ASAP3: variants seen among roughly 807,000 people sequenced by gnomAD.
ASAP3 encodes the protein ArfGAP with SH3 domain, ankyrin repeat and PH domain 3.
In ASAP3, 85 loss-of-function variants were observed where a neutral mutation model predicts 118.2. The observed-to-expected ratio is 0.72, with a 90% CI of 0.60 to 0.86. The LOEUF is 0.86. Ranked by LOEUF, ASAP3 falls within the 40% of genes least tolerant of loss-of-function variation. ASAP3 has a pLI of 0.00. For missense variants in ASAP3, 1,026 were observed against 1,175.0 expected (o/e 0.87, Z 1.85); for synonymous variants, 432 against 477.4 (o/e 0.90, Z 1.24).
chr1:23,465,493 CT>C (rs1290029163), intron 1 of ASAP3, among the ~76,000 whole-genome samples: 2 of 151,710 alleles, frequency 1.3e-5, no homozygotes, highest in African/African-American at 4.8e-5. Flanking sequence ...AACTTTTTTT[CT>C]TTTTTTTCTT....
intron 5 of ASAP3, 115 bp downstream of exon 5, chr1:23,451,364 A>T: frequency 8.4e-7 from 1 of 1,194,702 alleles, no homozygotes; most frequent in Non-Finnish European, 1.2e-6. Context: ...AAATGCCTCT[A>T]CAGAGCCAGA....
intron 9 of ASAP3, 32 bp downstream of exon 9, chr1:23,441,347 TGGGGGAGG>T (rs1405222187): frequency 3.1e-6 from 5 of 1,609,196 alleles, no homozygotes; most frequent in Non-Finnish European, 3.4e-6. Context: ...CGGTGGGCCT[TGGGGGAGG>T]GCATTCCTTT....
At position 23,428,994 on chromosome 1, in the gene ASAP3, G is replaced by C. The variant is rs1379213176; in HGVS notation, c.*862C>G. On this transcript the variant is annotated 3_prime_UTR_variant, in exon 25 of 25. Coordinates refer to ENST00000336689, the MANE Select transcript of ASAP3 (RefSeq NM_017707.4). ...GCTCCTGAGTTGACCAAGAGAAAGA[G>C]AAGAGAAGTGGGCATCCATCAACCC... 1 of 154,788 alleles carries C rather than the reference G, an allele frequency of 6.5e-6. No individual in the cohort carries two copies. The highest frequency in any genetic ancestry group is 1.5e-5 in the Non-Finnish European group (1 of 68,216). The allele number at this position is 154,788 out of a possible 1,614,324, so 9.6% of individuals were successfully genotyped here.
chr1:23,429,525 C>A lies in ASAP3; in HGVS notation c.*331G>T. Reference sequence around the variant, plus strand: ...CTCCTGCCCTTGTGAAGCCCCCAGACTGACGGGGGAAATAGAGTCTCGATC... The same window carrying A: ...CTCCTGCCCTTGTGAAGCCCCCAGAATGACGGGGGAAATAGAGTCTCGATC... On this transcript the variant is annotated 3_prime_UTR_variant, in exon 25 of 25. Coordinates refer to ENST00000336689, the MANE Select transcript of ASAP3 (RefSeq NM_017707.4). 5.0e-6 allele frequency: 1 copy of A among 198,636 alleles called. No homozygotes were observed. Among genetic ancestry groups the A allele is most frequent in the Non-Finnish European group, 1.0e-5 (1 of 97,476 alleles). 12.3% of individuals were successfully genotyped at this position (198,636 alleles called of 1,614,324 possible).
chr1:23,475,960 C>CA (rs1273473677), intron 1 of ASAP3, among the ~76,000 whole-genome samples: 2 of 151,032 alleles, frequency 1.3e-5, no homozygotes, highest in Admixed American at 1.3e-4. Flanking sequence ...CTCTAAAAAA[C>CA]AAAAAATTAA....
At chr1:23,459,684 G>A (rs557289144) in intron 1 of ASAP3, among the ~76,000 whole-genome samples, 2 of 152,250 alleles carry the variant, frequency 1.3e-5, no homozygotes, top group South Asian at 2.1e-4. Context: ...AGGCAGAAGA[G>A]GAAGAGTGGT....
At chr1:23,469,156 A>T (rs961949890) in intron 1 of ASAP3, among the ~76,000 whole-genome samples, 2 of 151,604 alleles carry the variant, frequency 1.3e-5, no homozygotes, top group Non-Finnish European at 1.5e-5. Flanking sequence ...AATACAAAAC[A>T]ATTTTCCAGG....
intron 1 of ASAP3, among the ~76,000 whole-genome samples, chr1:23,480,425 G>A (rs138767226): frequency 2.5e-4 from 38 of 152,172 alleles, no homozygotes; most frequent in East Asian, 3.9e-4. Context: ...TGTCCTCTCC[G>A]ATAAATGGGG....
intron 5 of ASAP3, among the ~76,000 whole-genome samples, chr1:23,445,951 C>G (rs1641034114): frequency 6.6e-6 from 1 of 151,912 alleles, no homozygotes; most frequent in African/African-American, 2.4e-5. Flanking sequence ...CACTGCACCC[C>G]AGCCTGGGCA....
chr1:23,435,592 T>G, intron 17 of ASAP3: 1 of 553,602 alleles, frequency 1.8e-6, no homozygotes. Context: ...GGTGCTATTA[T>G]TAACCCCTTT....
Position 23,437,114 on chromosome 1 carries a change from G to C in ASAP3, c.1342+16C>G, listed in dbSNP as rs771223043. The C allele has an allele frequency of 1.2e-6, 2 of 1,601,058 alleles. No individual in the cohort carries two copies. Among genetic ancestry groups the C allele is most frequent in the Non-Finnish European group, 1.7e-6 (2 of 1,173,400 alleles). On this transcript the variant is annotated intron_variant, in intron 14 of 24. Coordinates refer to ENST00000336689, the MANE Select transcript of ASAP3 (RefSeq NM_017707.4). This position sits in a 1 kb window ranked among gnomAD's most constrained non-coding sequence, Gnocchi z 6.1. ...TCCACTTAAGCCTCCCTCCTGCCCC[G>C]GCCCCGGGGACCGACCTGCAGCCCC...
chr1:23,440,730 G>A lies in ASAP3; in HGVS notation c.944+372C>T, dbSNP rs945993453. On this transcript the variant is annotated intron_variant, in intron 10 of 24. Transcript: ENST00000336689. The stretch of plus-strand genomic sequence containing the variant: ...AAATTAGCCGAGTGTGGTGGCGAGT[G>A]CCTGTAGTCCCAGCTACTCGGGAGG... Among the ~76,000 whole-genome samples the A allele has an allele frequency of 6.8e-4, 100 of 147,496 alleles. 1 individual carries two copies. The highest frequency in any genetic ancestry group is 2.7e-4 in the Non-Finnish European group (18 of 66,828).
chr1:23,431,677 C>A lies in ASAP3; in HGVS notation c.2546+19G>T, dbSNP rs367928412. 39 of 1,518,992 alleles carry A rather than the reference C, an allele frequency of 2.6e-5. No homozygotes were observed. In the African/African-American group the frequency reaches 5.1e-4, roughly 20 times the overall value. 94.1% of individuals were successfully genotyped at this position (1,518,992 alleles called of 1,614,324 possible). ...AGTCAGGGGATTTGCCCTGGTTGCA[C>A]AGCTGGGCCCTCACCAACCTGAATC... On this transcript the variant is annotated intron_variant, in intron 23 of 24. Coordinates refer to ENST00000336689, the MANE Select transcript of ASAP3 (RefSeq NM_017707.4).
At chr1:23,450,947 A>G (rs999498878) in intron 5 of ASAP3, among the ~76,000 whole-genome samples, 7 of 152,142 alleles carry the variant, frequency 4.6e-5, no homozygotes, top group Non-Finnish European at 7.3e-5. Flanking sequence ...AGCTGGTGAG[A>G]GATCTGGAGT....
At chr1:23,480,796 T>C (rs1558196184) in intron 1 of ASAP3, among the ~76,000 whole-genome samples, 1 of 152,134 alleles carries the variant, frequency 6.6e-6, no homozygotes, top group Admixed American at 6.5e-5. Context: ...CACCTGTTGT[T>C]GTGAATATCA....
At chr1:23,453,428 G>A (rs1641287751) in intron 3 of ASAP3, among the ~76,000 whole-genome samples, 1 of 152,128 alleles carries the variant, frequency 6.6e-6, no homozygotes, top group Admixed American at 6.5e-5. Context: ...TTCTGCCTAA[G>A]TTGTGGGAGA....
chr1:23,437,432 CT>C lies in ASAP3; in HGVS notation c.1142del (p.Glu381GlyfsTer17), dbSNP rs1179527977. On this transcript the variant is annotated frameshift_variant, in exon 13 of 25. Coordinates refer to ENST00000336689, the MANE Select transcript of ASAP3 (RefSeq NM_017707.4). LOFTEE classifies it high-confidence loss of function. The surrounding 1 kb of genome is among the most constrained non-coding windows in gnomAD (Gnocchi z 6.1). ...GCCGAGGGGGCACTCACGCCTCACACTCGTGCTCGTCCTCTGCCTGAAAGTG... is the reference window on the plus strand; with the variant it reads ...GCCGAGGGGGCACTCACGCCTCACACCGTGCTCGTCCTCTGCCTGAAAGTG... ...TYHFQAEDEH[E>X]CEAWVSVLQN... 1 of 1,613,988 alleles carries C rather than the reference CT, an allele frequency of 6.2e-7. No individual in the cohort carries two copies. Among genetic ancestry groups the C allele is most frequent in the African/African-American group, 1.3e-5 (1 of 74,936 alleles).
At chr1:23,478,125 C>T (rs1642192012) in intron 1 of ASAP3, among the ~76,000 whole-genome samples, 1 of 152,238 alleles carries the variant, frequency 6.6e-6, no homozygotes, top group African/African-American at 2.4e-5. Context: ...ATTCAAAACC[C>T]TCCAAGTCTT....
At chr1:23,474,288 G>A (rs543909338) in intron 1 of ASAP3, among the ~76,000 whole-genome samples, 12 of 152,116 alleles carry the variant, frequency 7.9e-5, no homozygotes, top group East Asian at 5.8e-4. Flanking sequence ...AATGACCTCC[G>A]TGTTGCCAAA....
Sources: gnomAD v4.1 joint callset for allele counts (sites outside exome capture counted in the v4.1 genomes callset) on GRCh38, gnomAD v4.1.1 for gene constraint, Gnocchi (gnomAD v3.1) non-coding constraint, MANE v1.5 for transcripts, NCBI Gene and HGNC (gene_info 2026-07-23, HGNC 2026-07-21) for gene names.